TMC1: variants seen among roughly 807,000 people sequenced by gnomAD.
TMC1 encodes the protein transmembrane channel-like protein 1.
In TMC1, 84 loss-of-function variants were observed where a neutral mutation model predicts 105.8. The observed-to-expected ratio is 0.79, with a 90% CI of 0.67 to 0.95. TMC1 has a LOEUF of 0.95. Ranked by LOEUF, TMC1 falls within the 40% of genes least tolerant of loss-of-function variation. The pLI is 0.00. For synonymous variants in TMC1, 315 were observed against 311.5 expected, an observed-to-expected ratio of 1.01 and a Z score of -0.12; for missense variants, 817 against 914.1, an observed-to-expected ratio of 0.89 and a Z score of 1.37.
intron 23 of TMC1, among the ~76,000 whole-genome samples, chr9:72,833,758 C>T (rs1331054785): frequency 1.3e-5 from 2 of 152,104 alleles, no homozygotes; most frequent in Non-Finnish European, 2.9e-5. Flanking sequence ...CAGAGGTTTC[C>T]CATGCCTTTT....
intron 12 of TMC1, among the ~76,000 whole-genome samples, chr9:72,770,039 G>T (rs1171871180): frequency 6.6e-6 from 1 of 152,086 alleles, no homozygotes; most frequent in Non-Finnish European, 1.5e-5. Flanking sequence ...GAAACAAGAA[G>T]ATGTCATGCA....
intron 2 of TMC1, among the ~76,000 whole-genome samples, chr9:72,602,055 G>A (rs1424097417): frequency 6.6e-6 from 1 of 152,064 alleles, no homozygotes; most frequent in African/African-American, 2.4e-5. Flanking sequence ...CACCTGTCAC[G>A]TGAGGTCAGG....
chr9:72,635,692 T>C (rs1825521612), intron 4 of TMC1, among the ~76,000 whole-genome samples: 1 of 152,268 alleles, frequency 6.6e-6, no homozygotes, highest in Middle Eastern at 3.4e-3. Context: ...GAGTTTAAAG[T>C]AAGCATAGAA....
intron 7 of TMC1, among the ~76,000 whole-genome samples, chr9:72,698,281 G>C (rs769259017): frequency 1.3e-4 from 20 of 152,146 alleles, no homozygotes; most frequent in Non-Finnish European, 2.2e-4. Flanking sequence ...AATAGGAAGT[G>C]TTATTTTAAA....
intron 2 of TMC1, among the ~76,000 whole-genome samples, chr9:72,586,542 C>G (rs1388492941): frequency 6.6e-6 from 1 of 152,166 alleles, no homozygotes; most frequent in Non-Finnish European, 1.5e-5. Context: ...TAAGGAAAAA[C>G]TCACACCCTA....
At chr9:72,736,850 G>A (rs1456034707) in intron 8 of TMC1, among the ~76,000 whole-genome samples, 2 of 152,134 alleles carry the variant, frequency 1.3e-5, no homozygotes, top group African/African-American at 4.8e-5. Flanking sequence ...CTAAAAAAAT[G>A]GGGATAGGCA....
chr9:72,549,149 A>G (rs994132410), intron 1 of TMC1, among the ~76,000 whole-genome samples: 2 of 152,392 alleles, frequency 1.3e-5, no homozygotes, highest in East Asian at 1.9e-4. Context: ...ATTATTTACT[A>G]CAAGTGCTTG....
At chr9:72,725,783 C>A (rs1202325905) in intron 8 of TMC1, among the ~76,000 whole-genome samples, 1 of 151,968 alleles carries the variant, frequency 6.6e-6, no homozygotes, top group Non-Finnish European at 1.5e-5. Context: ...CTCTGCCTCC[C>A]GGGTTCAAGC....
At chr9:72,644,218 A>T (rs1360245031) in intron 4 of TMC1, among the ~76,000 whole-genome samples, 1 of 151,818 alleles carries the variant, frequency 6.6e-6, no homozygotes, top group Non-Finnish European at 1.5e-5. Flanking sequence ...CCAGTCTGTG[A>T]TTGTCTTTTC....
At chr9:72,531,006 T>G (rs1823491520) in intron 1 of TMC1, among the ~76,000 whole-genome samples, 1 of 151,284 alleles carries the variant, frequency 6.6e-6, no homozygotes, top group African/African-American at 2.4e-5. Context: ...ATTATTATTA[T>G]TATTTGTATT....
chr9:72,742,463 G>A lies in TMC1; in HGVS notation c.473G>A (p.Arg158His), dbSNP rs148340276. ...MMAKKWAKFL[R>H]DFENFKAACV... ...TTTCAGAAATGGGCAAAATTCCTCC[G>A]TGATTTTGAGAACTTCAAAGCTGCG... The change falls in exon 10 of 24, where the codon CGT (arginine) becomes CAT (histidine). Residue 158 changes from arginine to histidine, a missense_variant. Arg to His is a conservative substitution (Grantham distance 29). Coordinates refer to ENST00000297784, the MANE Select transcript of TMC1 (RefSeq NM_138691.3). 2.1e-4 allele frequency: 335 copies of A among 1,614,036 alleles called. No individual in the cohort carries two copies. Among genetic ancestry groups the A allele is most frequent in the Non-Finnish European group, 2.6e-4 (311 of 1,179,964 alleles).
intron 13 of TMC1, among the ~76,000 whole-genome samples, chr9:72,773,398 C>T (rs765574355): frequency 9.9e-5 from 15 of 152,106 alleles, no homozygotes; most frequent in Non-Finnish European, 2.1e-4. Context: ...GCAAAGTCAC[C>T]CTAAGCAGGA....
intron 1 of TMC1, among the ~76,000 whole-genome samples, chr9:72,533,739 C>T (rs1823534210): frequency 1.3e-5 from 2 of 152,154 alleles, no homozygotes; most frequent in African/African-American, 2.4e-5. Flanking sequence ...CACTTCTGCT[C>T]CTTTGTGTAA....
At chr9:72,700,464 C>G in intron 7 of TMC1, 54 bp from the exon 8 acceptor site, 1 of 1,475,220 alleles carries the variant, frequency 6.8e-7, no homozygotes, top group Non-Finnish European at 9.2e-7. Context: ...TCCTTAAGTT[C>G]CAAAGTCAAG....
intron 12 of TMC1, among the ~76,000 whole-genome samples, chr9:72,765,586 C>A (rs1827816758): frequency 6.8e-6 from 1 of 147,468 alleles, no homozygotes; most frequent in South Asian, 2.2e-4. Flanking sequence ...AGTGATTCAG[C>A]AAAGTTCATA....
Position 72,599,031 on chromosome 9 carries a change from A to AT in TMC1, c.-305-17328dup, listed in dbSNP as rs1030879228. The stretch of plus-strand genomic sequence containing the variant: ...CAGGGAGAAATCTGTATTTCCCACT[A>AT]TTTTTTTTTCTTTTTTTGAGGCACA... On this transcript the variant is annotated intron_variant, in intron 2 of 23. Transcript: ENST00000297784. Among the ~76,000 whole-genome samples, 18 of 151,232 alleles carry AT rather than the reference A, an allele frequency of 1.2e-4. 1 individual carries two copies. The South Asian group carries it at 2.1e-3, about 18-fold the overall frequency.
chr9:72,837,897 C>G lies in TMC1; in HGVS notation c.*1924C>G, dbSNP rs1303080623. The G allele has an allele frequency of 6.6e-6, 1 of 152,184 alleles. No individual in the cohort carries two copies. The highest frequency in any genetic ancestry group is 1.5e-5 in the Non-Finnish European group (1 of 68,038). 9.4% of individuals were successfully genotyped at this position (152,184 alleles called of 1,614,324 possible). A position where few individuals can be genotyped will look rare whatever the true frequency, so the allele number is the denominator to read the frequency against. ...GACTTCCATTCTCAATCTTATCACT[C>G]CCTTTTTAGGATTCCTTGGGCTCTT... is the stretch of plus-strand genomic sequence containing the variant. On this transcript the variant is annotated 3_prime_UTR_variant, in exon 24 of 24. Transcript: ENST00000297784.
chr9:72,752,384 C>T (rs1827593555), intron 11 of TMC1, among the ~76,000 whole-genome samples: 2 of 151,712 alleles, frequency 1.3e-5, no homozygotes, highest in Admixed American at 1.3e-4. Flanking sequence ...TCCAGATTTT[C>T]TATACTGAAG....
intron 23 of TMC1, 58 bp downstream of exon 23, chr9:72,830,740 T>TTC (rs1282026122): frequency 2.9e-5 from 20 of 690,414 alleles, no homozygotes; most frequent in African/African-American, 2.5e-4. Context: ...TTTTCTTTCT[T>TTC]TTTTTTTTTT....
Sources: allele counts gnomAD v4.1 joint callset (sites outside exome capture counted in the v4.1 genomes callset), GRCh38; gene constraint gnomAD v4.1.1; transcripts MANE v1.5; gene names NCBI Gene and HGNC (gene_info 2026-07-23, HGNC 2026-07-21).